BACE1: variants seen among roughly 807,000 people sequenced by gnomAD.
The protein encoded by BACE1 is beta-secretase 1.
BACE1 carries 21 observed loss-of-function variants against 54.0 expected under a neutral mutation model. That is an observed-to-expected ratio of 0.39 (90% CI 0.28 to 0.56). The LOEUF (loss-of-function observed/expected upper bound fraction) is 0.56. Ranked by LOEUF, BACE1 falls within the 20% of genes least tolerant of loss-of-function variation. The probability of loss-of-function intolerance (pLI) is 0.63; values close to 1 mark genes in which losing one functional copy is unlikely to be tolerated. For synonymous variants in BACE1, 232 were observed against 260.9 expected, an observed-to-expected ratio of 0.89 and a Z score of 1.07; for missense variants, 511 against 661.2, an observed-to-expected ratio of 0.77 and a Z score of 2.49.
rs552768527 is a variant in BACE1 at position 117,296,904 on chromosome 11, G to A, written c.319C>T (p.Pro107Ser). Residue 107 changes from proline (P) to serine (S), a missense_variant, in exon 2 of 9, where the codon CCC becomes TCC. By Grantham distance (74) the Pro-to-Ser change is moderately conservative (BLOSUM62 -1). Around this residue, in one of 2 missense-constraint regions of BACE1, gnomAD observed 407 missense variants for 565.7 expected, o/e 0.72. Transcript: ENST00000313005. ...SNFAVGAAPHPFLHRYYQRQL... is the reference protein window; with the variant it reads ...SNFAVGAAPHSFLHRYYQRQL... ...CTCTGGTAGTAGCGATGCAGGAAGG[G>A]GTGGGGGGCAGCACCCACTGCAAAG... is the stretch of plus-strand genomic sequence containing the variant. The A allele has an allele frequency of 3.1e-6, 5 of 1,613,674 alleles. No homozygotes were observed. The Admixed American group carries it at 5.0e-5, about 16-fold the overall frequency.
chr11:117,293,238 G>T lies in BACE1; in HGVS notation c.706-50C>A. The T allele has an allele frequency of 6.2e-7, 1 of 1,602,224 alleles. No individual in the cohort carries two copies. Among genetic ancestry groups the T allele is most frequent in the South Asian group, 1.1e-5 (1 of 89,030 alleles). On this transcript the variant is annotated intron_variant, in intron 4 of 8. Transcript: ENST00000313005. This position sits in a 1 kb window ranked among gnomAD's most constrained non-coding sequence, Gnocchi z 4.1. Reference sequence around the variant, plus strand: ...CCGTGTCCTGGCACAGAAGGAGAGTGAGTCCCCCAAGGACCAAGCAATAAG... The same window carrying T: ...CCGTGTCCTGGCACAGAAGGAGAGTTAGTCCCCCAAGGACCAAGCAATAAG...
chr11:117,302,949 CT>C (rs2034756660), intron 1 of BACE1, among the ~76,000 whole-genome samples: 1 of 152,202 alleles, frequency 6.6e-6, no homozygotes, highest in African/African-American at 2.4e-5. Context: ...CTCACCTCCC[CT>C]CATATCGAAT....
At position 117,289,621 on chromosome 11, in the gene BACE1, C is replaced by T. The variant is rs200767694; in HGVS notation, c.1451G>A (p.Arg484His). ...GTCATCATGCTGCTGGCGCAGGCAG[C>T]GGAGGCAGCGCCACTGACACACCAT... ...CLMVCQWRCL[R>H]CLRQQHDDFA... is the part of the protein sequence containing the mutation. The change falls in exon 9 of 9, where the codon CGC becomes CAC. Residue 484 changes from arginine (R) to histidine (H), a missense_variant. Arg to His is a conservative substitution (Grantham distance 29). This residue lies in a region of BACE1 where 407 missense variants were observed against 565.7 expected (regional missense o/e 0.72). Coordinates refer to ENST00000313005, the MANE Select transcript of BACE1 (RefSeq NM_012104.6). 5.2e-5 allele frequency: 84 copies of T among 1,614,154 alleles called. 1 individual carries two copies. The East Asian group carries it at 1.2e-3, about 24-fold the overall frequency.
At chr11:117,314,585 A>G (rs984437745) in intron 1 of BACE1, 2 of 152,574 alleles carry the variant, frequency 1.3e-5, no homozygotes, top group African/African-American at 4.8e-5. Context: ...ACGCACCAGC[A>G]TACACAGAAC....
In BACE1 at chr11:117,293,331, AATCATACCC is replaced by A. The variant is rs1391511618; in HGVS notation, c.706-152_706-144del. 1 of 757,420 alleles carries A rather than the reference AATCATACCC, an allele frequency of 1.3e-6. No individual in the cohort carries two copies. The highest frequency in any genetic ancestry group is 2.0e-6 in the Non-Finnish European group (1 of 490,386). 46.9% of individuals were successfully genotyped at this position (757,420 alleles called of 1,614,324 possible). ...CTTTTCATCTTCCTGCTTCTAAACA[AATCATACCC>A]AAAGTGATTTCTAGTTTCTTAAATG... On this transcript the variant is annotated intron_variant, in intron 4 of 8. Coordinates refer to ENST00000313005, the MANE Select transcript of BACE1 (RefSeq NM_012104.6). This position sits in a 1 kb window ranked among gnomAD's most constrained non-coding sequence, Gnocchi z 4.1.
At chr11:117,294,204 C>T in intron 3 of BACE1, 196 bp from the exon 4 acceptor site, 1 of 424,290 alleles carries the variant, frequency 2.4e-6, no homozygotes, top group Non-Finnish European at 4.1e-6. Flanking sequence ...TTGATAGGTT[C>T]ACAGATTCAT....
intron 1 of BACE1, chr11:117,299,656 G>T: frequency 2.5e-6 from 1 of 400,204 alleles, no homozygotes; most frequent in South Asian, 1.8e-5. Context: ...ACCTCTACCC[G>T]TGGTCTCTCT....
Position 117,289,649 on chromosome 11 carries a change from G to A in BACE1, c.1423C>T (p.Leu475Phe). ...AGGCAGCGCCACTGACACACCATGA[G>A]GCAGAGTGGCAGCATGAAGAGGGCG... The part of the protein sequence containing the change: ...ICALFMLPLC[L>F]MVCQWRCLRC... The change falls in exon 9 of 9, where the codon CTC (leucine) becomes TTC (phenylalanine). Residue 475 changes from leucine (L) to phenylalanine (F), a missense_variant. Transcript: ENST00000313005. 6.2e-7 allele frequency: 1 copy of A among 1,614,230 alleles called. No individual in the cohort carries two copies. Among genetic ancestry groups the A allele is most frequent in the Non-Finnish European group, 8.5e-7 (1 of 1,180,050 alleles).
chr11:117,296,472 C>A (rs1163076515), intron 2 of BACE1, among the ~76,000 whole-genome samples: 1 of 152,176 alleles, frequency 6.6e-6, no homozygotes, highest in Non-Finnish European at 1.5e-5. Context: ...GGAGCCGTCA[C>A]TGAGGCCTGT....
intron 6 of BACE1, 51 bp from the exon 7 acceptor site, chr11:117,291,100 C>T (rs371046464): frequency 8.2e-6 from 13 of 1,595,018 alleles, no homozygotes; most frequent in South Asian, 4.5e-5. Context: ...TTTATCATCT[C>T]GCCCCTCCCA....
At chr11:117,305,051 C>T (rs1257372492) in intron 1 of BACE1, among the ~76,000 whole-genome samples, 4 of 150,608 alleles carry the variant, frequency 2.7e-5, no homozygotes, top group Non-Finnish European at 5.9e-5. Flanking sequence ...CTCAGCCTCC[C>T]GAGTAGCTGG....
chr11:117,294,239 A>T, intron 3 of BACE1: 1 of 321,848 alleles, frequency 3.1e-6, no homozygotes, highest in Admixed American at 5.0e-5. Context: ...TTTTTGAGAC[A>T]GAGTTTTGCT....
intron 1 of BACE1, among the ~76,000 whole-genome samples, chr11:117,300,681 C>T (rs1343855852): frequency 6.6e-6 from 1 of 152,168 alleles, no homozygotes; most frequent in African/African-American, 2.4e-5. Flanking sequence ...CTGCCTGCGG[C>T]TGCCCCTTCC....
chr11:117,290,842 C>A, intron 7 of BACE1, 58 bp downstream of exon 7: 1 of 1,587,040 alleles, frequency 6.3e-7, no homozygotes, highest in South Asian at 1.2e-5. Flanking sequence ...CATACCTGCT[C>A]ACTGTCTCCC....
At chr11:117,291,111 T>C (rs1313122763) in intron 6 of BACE1, 62 bp from the exon 7 acceptor site, 3 of 1,572,404 alleles carry the variant, frequency 1.9e-6, no homozygotes, top group African/African-American at 2.7e-5. Flanking sequence ...GCCCCTCCCA[T>C]GTTCAGATAC....
At chr11:117,311,960 A>C (rs1046411710) in intron 1 of BACE1, among the ~76,000 whole-genome samples, 2 of 152,216 alleles carry the variant, frequency 1.3e-5, no homozygotes, top group African/African-American at 4.8e-5. Flanking sequence ...TAAAATTCAG[A>C]TGTCTCTTCC....
chr11:117,305,757 C>T (rs564361681), intron 1 of BACE1, among the ~76,000 whole-genome samples: 10 of 152,136 alleles, frequency 6.6e-5, no homozygotes, highest in Admixed American at 2.0e-4. Context: ...CAGAATCAGC[C>T]GCGCGCAGTG....
intron 1 of BACE1, chr11:117,299,594 A>C: frequency 2.9e-6 from 1 of 345,396 alleles, no homozygotes; most frequent in Non-Finnish European, 5.6e-6. Context: ...CCTCCTTCCC[A>C]GCCCCCCACT....
rs760914457 is a variant in BACE1, at chr11:117,295,100, A to C, written c.567+31T>G. 7 of 1,581,700 alleles carry C rather than the reference A, an allele frequency of 4.4e-6. No homozygotes were observed. In the Admixed American group the frequency reaches 8.3e-5, roughly 19 times the overall value. ...TCTCTGTATAGTGCAGTGTGCATAG[A>C]GTGTGTAGGGCCAAGCCCTGTTCCT... On this transcript the variant is annotated intron_variant, in intron 3 of 8. Coordinates refer to ENST00000313005, the MANE Select transcript of BACE1 (RefSeq NM_012104.6).
Sources: gnomAD v4.1 joint callset for allele counts (sites outside exome capture counted in the v4.1 genomes callset) on GRCh38, gnomAD v4.1.1 for gene constraint, gnomAD v4.1.1 regional missense constraint, Gnocchi (gnomAD v3.1) non-coding constraint, MANE v1.5 for transcripts, NCBI Gene and HGNC (gene_info 2026-07-23, HGNC 2026-07-21) for gene names.